The following GATA4 variants were observed in gnomAD, a reference collection of about 807,000 sequenced individuals.
GATA4 encodes transcription factor GATA-4.
GATA4 carries 7 observed loss-of-function variants against 37.9 expected under a neutral mutation model. The observed-to-expected ratio is 0.18, with a 90% confidence interval of 0.11 to 0.35. The LOEUF (loss-of-function observed/expected upper bound fraction) is 0.35, where lower values mean the gene tolerates loss of function less well. Ranked by LOEUF, GATA4 falls within the 10% of genes least tolerant of loss-of-function variation. The pLI is 1.00. For synonymous variants in GATA4, 372 were observed against 292.6 expected (o/e 1.27, Z -2.77); for missense variants, 647 against 653.0 (o/e 0.99, Z 0.10).
At chr8:11,700,573 G>A (rs1799640568), upstream of GATA4, 1 of 152,268 alleles carries the variant, frequency 6.6e-6, no homozygotes, top group South Asian at 2.1e-4. Flanking sequence ...GTGCAGGGCA[G>A]GCTGCCCGTG....
chr8:11,727,008 G>A (rs1460027240), intron 2 of GATA4, among the ~76,000 whole-genome samples: 1 of 152,048 alleles, frequency 6.6e-6, no homozygotes, highest in Admixed American at 6.6e-5. Flanking sequence ...GATTCTCCAT[G>A]ATCCTTCCTG....
intron 2 of GATA4, among the ~76,000 whole-genome samples, chr8:11,743,142 G>C (rs1801841944): frequency 6.6e-6 from 1 of 152,246 alleles, no homozygotes; most frequent in African/African-American, 2.4e-5. Context: ...GAGGTGGTGG[G>C]CTGGGCACCA....
rs184514136 is a variant in GATA4 at position 11,678,462 on chromosome 8, C to T, written c.-274+1399C>T. Among the ~76,000 whole-genome samples the T allele has an allele frequency of 2.0e-5, 3 of 152,328 alleles. No homozygotes were observed. The East Asian group carries it at 5.8e-4, about 29-fold the overall frequency. On this transcript the variant is annotated intron_variant, in intron 1 of 6. Coordinates refer to the GATA4 transcript ENST00000528712. ...CCTGCCCAACTCTCTGGCTTGCTTACCCTTGCTAATGTTTTCCCAGGGCTG... is the reference window on the plus strand; with the variant it reads ...CCTGCCCAACTCTCTGGCTTGCTTATCCTTGCTAATGTTTTCCCAGGGCTG...
intron 1 of GATA4, among the ~76,000 whole-genome samples, chr8:11,693,986 G>A (rs990981039): frequency 2.0e-5 from 3 of 152,066 alleles, no homozygotes; most frequent in African/African-American, 7.2e-5. Context: ...AGAGAGGGGG[G>A]AACACCTCTA....
At chr8:11,692,762 G>C in intron 1 of GATA4, 2 of 983,336 alleles carry the variant, frequency 2.0e-6, no homozygotes, top group Non-Finnish European at 2.4e-6. Context: ...GGACGGACGG[G>C]GGGCGGGAAG....
intron 5 of GATA4, 82 bp downstream of exon 5, chr8:11,755,215 C>G: frequency 8.3e-7 from 1 of 1,207,876 alleles, no homozygotes; most frequent in Non-Finnish European, 1.2e-6. Context: ...CCGGGTTAGG[C>G]AGGCCAGCCC....
chr8:11,750,264 T>A, intron 4 of GATA4, 28 bp downstream of exon 4: 1 of 1,610,248 alleles, frequency 6.2e-7, no homozygotes, highest in Non-Finnish European at 8.5e-7. Context: ...CCATGCGGCA[T>A]CCTTGCCTTC....
At chr8:11,750,381 C>A in intron 4 of GATA4, 145 bp downstream of exon 4, 1 of 1,139,906 alleles carries the variant, frequency 8.8e-7, no homozygotes, top group Non-Finnish European at 1.3e-6. Context: ...AACTACTTTG[C>A]TGGCCTCTTC....
intron 2 of GATA4, among the ~76,000 whole-genome samples, chr8:11,715,771 C>T (rs1441272248): frequency 6.6e-6 from 1 of 152,042 alleles, no homozygotes; most frequent in Admixed American, 6.6e-5. Flanking sequence ...ATCATCTTAG[C>T]CACTTTTAAG....
chr8:11,758,630 G>A lies in GATA4; in HGVS notation c.*155G>A, dbSNP rs1331385487. The A allele has an allele frequency of 4.0e-6, 3 of 754,990 alleles. No homozygotes were observed. In the African/African-American group the frequency reaches 5.2e-5, roughly 13 times the overall value. The allele number at this position is 754,990 out of a possible 1,614,324, so 46.8% of individuals were successfully genotyped here. ...AACTTGAAGTCGACAATCTGGTTAG[G>A]GGAAGCGGGTGTTGGATTTTCTCAG... On this transcript the variant is annotated 3_prime_UTR_variant, in exon 7 of 7. Coordinates refer to ENST00000532059, the MANE Select transcript of GATA4 (RefSeq NM_001308093.3).
chr8:11,690,210 G>C (rs1284237117), upstream of GATA4, among the ~76,000 whole-genome samples: 1 of 152,244 alleles, frequency 6.6e-6, no homozygotes. Flanking sequence ...CTCTGTGTTT[G>C]CACACAGTGG....
upstream of GATA4, among the ~76,000 whole-genome samples, chr8:11,691,281 T>C (rs1424194954): frequency 6.6e-6 from 1 of 152,240 alleles, no homozygotes; most frequent in African/African-American, 2.4e-5. Context: ...ATGGCTAAGA[T>C]TGAGTTCAGA....
intron 1 of GATA4, among the ~76,000 whole-genome samples, chr8:11,683,613 C>T (rs965757197): frequency 3.9e-5 from 6 of 152,256 alleles, no homozygotes; most frequent in Non-Finnish European, 5.9e-5. Context: ...CTGCGCTGGG[C>T]GTTATGCCTT....
At chr8:11,711,256 C>G (rs982125853) in intron 2 of GATA4, among the ~76,000 whole-genome samples, 1 of 152,354 alleles carries the variant, frequency 6.6e-6, no homozygotes, top group South Asian at 2.1e-4. Flanking sequence ...GTGCGTCTCT[C>G]TGCCAAGAAC....
chr8:11,696,282 C>T (rs1027053357), intron 1 of GATA4, among the ~76,000 whole-genome samples: 32 of 152,226 alleles, frequency 2.1e-4, no homozygotes, highest in African/African-American at 5.3e-4. Context: ...GTCAACTCTT[C>T]CCCCTCCTCA....
Position 11,748,938 on chromosome 8 carries a change from A to G in GATA4, c.639A>G (p.Ser213=). 1 of 1,614,250 alleles carries G rather than the reference A, an allele frequency of 6.2e-7. No individual in the cohort carries two copies. The highest frequency in any genetic ancestry group is 8.5e-7 in the Non-Finnish European group (1 of 1,180,044). ...PNLVDMFDDF[S]EGRECVNCGA... is the part of the protein sequence containing the mutation. ...CAGTAGATATGTTTGACGACTTCTC[A>G]GAAGGCAGAGAGTGTGTCAACTGTG... Residue 213 remains serine (S), a synonymous_variant, in exon 3 of 7, where the codon TCA becomes TCG. Transcript: ENST00000532059.
chr8:11,741,123 G>C (rs1801717154), intron 2 of GATA4, among the ~76,000 whole-genome samples: 1 of 152,192 alleles, frequency 6.6e-6, no homozygotes, highest in Non-Finnish European at 1.5e-5. Context: ...TGCATGTTTA[G>C]TGTCGAGATG....
Position 11,750,185 on chromosome 8 carries a change from G to T in GATA4, c.861G>T (p.Ala287=). The change falls in exon 4 of 7, where the codon GCG becomes GCT. Residue 287 remains alanine, a synonymous_variant. Coordinates refer to ENST00000532059, the MANE Select transcript of GATA4 (RefSeq NM_001308093.3). ...CCACCACGCTGTGGCGCCGCAATGC[G>T]GAGGGCGAGCCTGTGTGCAATGCCT... is the stretch of plus-strand genomic sequence containing the variant. ...TTTTTLWRRN[A]EGEPVCNACG... The T allele has an allele frequency of 1.2e-6, 2 of 1,613,732 alleles. No individual in the cohort carries two copies. The highest frequency in any genetic ancestry group is 1.7e-6 in the Non-Finnish European group (2 of 1,180,050).
At chr8:11,681,442 C>A (rs1585542708) in intron 1 of GATA4, 1 of 984,566 alleles carries the variant, frequency 1.0e-6, no homozygotes, top group East Asian at 1.1e-4. Flanking sequence ...ACGATCCCCG[C>A]GCAGACGCCG....
Sources: gnomAD v4.1 joint callset for allele counts (sites outside exome capture counted in the v4.1 genomes callset) on GRCh38, gnomAD v4.1.1 for gene constraint, MANE v1.5 for transcripts, NCBI Gene and HGNC (gene_info 2026-07-23, HGNC 2026-07-21) for gene names.